The following PDE4D variants were observed in gnomAD, a reference collection of about 807,000 sequenced individuals.
PDE4D encodes the protein 3',5'-cyclic-AMP phosphodiesterase 4D.
PDE4D carries 24 observed loss-of-function variants against 87.4 expected under a neutral mutation model. The ratio of observed to expected loss-of-function variants is 0.27; its 90% confidence interval spans 0.20 to 0.39. PDE4D has a LOEUF of 0.39. Ranked by LOEUF, PDE4D falls within the 10% of genes least tolerant of loss-of-function variation. The pLI, the probability that PDE4D is intolerant of heterozygous loss-of-function variation, is 1.00. For missense variants in PDE4D, 714 were observed against 1,041.0 expected, an observed-to-expected ratio of 0.69 and a Z score of 4.32; for synonymous variants, 384 against 383.2, an observed-to-expected ratio of 1.00 and a Z score of -0.02.
At chr5:59,933,516 A>G (rs967020643) in intron 3 of PDE4D, among the ~76,000 whole-genome samples, 2 of 152,182 alleles carry the variant, frequency 1.3e-5, no homozygotes, top group African/African-American at 2.4e-5. Context: ...GGCTCCTACT[A>G]TGTGCCAAGA....
At chr5:60,267,479 A>T (rs565200803) in intron 1 of PDE4D, among the ~76,000 whole-genome samples, 2 of 152,196 alleles carry the variant, frequency 1.3e-5, no homozygotes, top group African/African-American at 2.4e-5. Context: ...GGAAGCAGAC[A>T]TACTCAGTTT....
chr5:60,297,311 G>A (rs7711093), intron 1 of PDE4D, among the ~76,000 whole-genome samples: 27,959 of 151,988 alleles, frequency 0.18, 2,851 homozygotes, highest in South Asian at 0.4. Context: ...CTGGTAACAA[G>A]GAGCCTAGGC....
At chr5:60,008,801 AAAC>A (rs1237489912) in intron 2 of PDE4D, among the ~76,000 whole-genome samples, 1 of 152,080 alleles carries the variant, frequency 6.6e-6, no homozygotes, top group Non-Finnish European at 1.5e-5. Flanking sequence ...ATTGCTCCTC[AAAC>A]AACATTAGTT....
chr5:59,548,381 G>A (rs1331482728), intron 1 of PDE4D, among the ~76,000 whole-genome samples: 1 of 152,090 alleles, frequency 6.6e-6, no homozygotes, highest in East Asian at 1.9e-4. Flanking sequence ...CTCCACTGGG[G>A]AAAATTTATT....
At position 60,460,648 on chromosome 5, in the gene PDE4D, G is replaced by A. The variant is rs559563352; in HGVS notation, c.-90+27294C>T. On this transcript the variant is annotated intron_variant, in intron 1 of 16. Coordinates refer to the PDE4D transcript ENST00000502484. Reference sequence around the variant, plus strand: ...TTTTTCTCCCTTCCTCAGCAAGCCTGCAGAGGCCAATGTCTCCTCCGGTCC... The same window carrying A: ...TTTTTCTCCCTTCCTCAGCAAGCCTACAGAGGCCAATGTCTCCTCCGGTCC... 8 of 1,189,458 alleles carry A rather than the reference G, an allele frequency of 6.7e-6. No homozygotes were observed. The African/African-American group carries it at 1.2e-4, about 18-fold the overall frequency. 73.7% of individuals were successfully genotyped at this position (1,189,458 alleles called of 1,614,324 possible).
intron 11 of PDE4D, among the ~76,000 whole-genome samples, chr5:58,985,353 T>C (rs556389654): frequency 1.4e-4 from 21 of 152,370 alleles, no homozygotes; most frequent in African/African-American, 4.8e-4. Context: ...CCAGGTAGAA[T>C]TGTTCTCTCT....
At chr5:60,155,909 T>C (rs1325847217) in intron 2 of PDE4D, among the ~76,000 whole-genome samples, 1 of 152,246 alleles carries the variant, frequency 6.6e-6, no homozygotes, top group African/African-American at 2.4e-5. Context: ...GGCTGTGCTT[T>C]GGCTTGCTGC....
At chr5:60,125,661 C>A (rs1779068877) in intron 2 of PDE4D, among the ~76,000 whole-genome samples, 1 of 152,072 alleles carries the variant, frequency 6.6e-6, no homozygotes, top group Non-Finnish European at 1.5e-5. Flanking sequence ...TTATTTATTA[C>A]CTATCTTTCA....
At chr5:59,401,023 T>C (rs915989199) in intron 1 of PDE4D, among the ~76,000 whole-genome samples, 13 of 152,334 alleles carry the variant, frequency 8.5e-5, no homozygotes, top group African/African-American at 3.1e-4. Flanking sequence ...GTCACTGACA[T>C]GAGATAGTGA....
At chr5:59,003,099 G>A (rs1057255018) in intron 6 of PDE4D, among the ~76,000 whole-genome samples, 1 of 152,108 alleles carries the variant, frequency 6.6e-6, no homozygotes, top group Non-Finnish European at 1.5e-5. Flanking sequence ...GGGCCAAAAT[G>A]CTGTAATTGC....
rs1368003163 is a variant in PDE4D, at chr5:59,343,804, G to A, written c.456-127836C>T. The stretch of plus-strand genomic sequence containing the variant: ...ATATACAGTCCATACACTCAATTTC[G>A]AATGAGAAGGTTGAGGACCCATGAA... On this transcript the variant is annotated intron_variant, in intron 1 of 14. Coordinates refer to ENST00000340635, the MANE Select transcript of PDE4D (RefSeq NM_001104631.2). 3.9e-5 allele frequency among the ~76,000 whole-genome samples: 6 copies of A among 152,142 alleles called. No homozygotes were observed. In the East Asian group the frequency reaches 7.7e-4, roughly 20 times the overall value.
rs566986566 is a variant in PDE4D at position 59,479,320 on chromosome 5, T to C, written c.456-263352A>G. 3.5e-4 allele frequency among the ~76,000 whole-genome samples: 53 copies of C among 152,170 alleles called. No individual in the cohort carries two copies. The South Asian group carries it at 9.3e-3, about 27-fold the overall frequency. On this transcript the variant is annotated intron_variant, in intron 1 of 14. Coordinates refer to ENST00000340635, the MANE Select transcript of PDE4D (RefSeq NM_001104631.2). ...GGCTCATGACATAACAGCTTTTAAG[T>C]AGCTACTGTACTACATCCACAGTCT...
intron 1 of PDE4D, among the ~76,000 whole-genome samples, chr5:60,213,097 T>C (rs1158959929): frequency 6.6e-6 from 1 of 152,182 alleles, no homozygotes; most frequent in African/African-American, 2.4e-5. Flanking sequence ...TCAACATTAA[T>C]TTCTCCCTTC....
chr5:60,134,982 A>G (rs886467265), intron 2 of PDE4D, among the ~76,000 whole-genome samples: 1 of 152,182 alleles, frequency 6.6e-6, no homozygotes, highest in African/African-American at 2.4e-5. Context: ...GTAAGCTCAC[A>G]TAATTCTACT....
chr5:60,131,310 C>T (rs769794695), intron 2 of PDE4D, among the ~76,000 whole-genome samples: 2 of 152,156 alleles, frequency 1.3e-5, no homozygotes, highest in Non-Finnish European at 2.9e-5. Context: ...AAGCTGGGCC[C>T]TCTACATTGT....
intron 1 of PDE4D, among the ~76,000 whole-genome samples, chr5:60,376,011 C>T (rs1263009329): frequency 2.0e-5 from 3 of 152,146 alleles, no homozygotes; most frequent in Non-Finnish European, 4.4e-5. Context: ...TGCACTCCAG[C>T]CTGGTGACAA....
intron 6 of PDE4D, among the ~76,000 whole-genome samples, chr5:59,026,254 A>G (rs1756216273): frequency 2.0e-5 from 3 of 152,222 alleles, no homozygotes; most frequent in Admixed American, 2.0e-4. Flanking sequence ...AGCATATACT[A>G]TGATAAAATT....
intron 2 of PDE4D, among the ~76,000 whole-genome samples, chr5:60,104,028 C>T (rs1438364003): frequency 6.6e-6 from 1 of 151,982 alleles, no homozygotes; most frequent in South Asian, 2.1e-4. Context: ...GGGTGCAGCA[C>T]ACTGTGTGCG....
intron 1 of PDE4D, among the ~76,000 whole-genome samples, chr5:60,232,441 C>G (rs1745927429): frequency 6.6e-6 from 1 of 151,784 alleles, no homozygotes. Context: ...AGTAATAATT[C>G]TCCTGGCACT....
Sources: allele counts gnomAD v4.1 joint callset (sites outside exome capture counted in the v4.1 genomes callset), GRCh38; gene constraint gnomAD v4.1.1; transcripts MANE v1.5; gene names NCBI Gene and HGNC (gene_info 2026-07-23, HGNC 2026-07-21).